The following PPIG variants were observed in gnomAD, a reference collection of about 807,000 sequenced individuals.
PPIG encodes peptidylprolyl isomerase G, also known as peptidyl-prolyl cis-trans isomerase G.
In PPIG, 26 loss-of-function variants were observed where a neutral mutation model predicts 87.9. That is an observed-to-expected ratio of 0.30 (90% CI 0.22 to 0.41). The LOEUF (loss-of-function observed/expected upper bound fraction) is 0.41, where lower values mean the gene tolerates loss of function less well. Ranked by LOEUF, PPIG falls within the 10% of genes least tolerant of loss-of-function variation. PPIG has a pLI of 1.00. For synonymous variants in PPIG, 308 were observed against 276.5 expected, an observed-to-expected ratio of 1.11 and a Z score of -1.13; for missense variants, 722 against 879.4, an observed-to-expected ratio of 0.82 and a Z score of 2.26.
chr2:169,607,096 A>G lies in PPIG; in HGVS notation c.245-8A>G. 1 of 1,560,886 alleles carries G rather than the reference A, an allele frequency of 6.4e-7. No homozygotes were observed. Among genetic ancestry groups the G allele is most frequent in the Non-Finnish European group, 8.8e-7 (1 of 1,136,964 alleles). Reference sequence around the variant, plus strand: ...TGAGAGTTATAAGAGTATGTTTTTCATTTTTAGGAAATGGACGAGGAGGGG... The same window carrying G: ...TGAGAGTTATAAGAGTATGTTTTTCGTTTTTAGGAAATGGACGAGGAGGGG... On this transcript the variant is annotated splice_polypyrimidine_tract_variant and splice_region_variant and intron_variant, in intron 5 of 13. Transcript: ENST00000260970.
At chr2:169,621,548 T>C (rs867946041) in intron 9 of PPIG, among the ~76,000 whole-genome samples, 9 of 152,048 alleles carry the variant, frequency 5.9e-5, no homozygotes, top group South Asian at 4.1e-4. Flanking sequence ...ACAAATGCAA[T>C]TATTTACATT....
chr2:169,589,562 A>G (rs977735587), intron 1 of PPIG, among the ~76,000 whole-genome samples: 3 of 152,190 alleles, frequency 2.0e-5, no homozygotes, highest in African/African-American at 7.2e-5. Context: ...GAAATCTTAT[A>G]TATAAATTGT....
Position 169,636,541 on chromosome 2 carries a change from A to G in PPIG, c.1283A>G (p.Asp428Gly), listed in dbSNP as rs1326552124. The change falls in exon 14 of 14, where the codon GAC (aspartate) becomes GGC (glycine). Residue 428 changes from aspartate (D) to glycine (G), a missense_variant. Around this residue, in one of 4 missense-constraint regions of PPIG, gnomAD observed 476 missense variants for 483.1 expected, o/e 0.99. Coordinates refer to ENST00000260970, the MANE Select transcript of PPIG (RefSeq NM_004792.3). Reference protein sequence around the residue: ...RKNEKEKKVKDHKSNSKERDI... With the variant: ...RKNEKEKKVKGHKSNSKERDI... ...AATGAAAAGGAGAAGAAAGTTAAAG[A>G]CCATAAATCTAACAGCAAAGAGAGA... 7 of 1,610,080 alleles carry G rather than the reference A, an allele frequency of 4.3e-6. No homozygotes were observed. Among genetic ancestry groups the G allele is most frequent in the Non-Finnish European group, 5.9e-6 (7 of 1,178,948 alleles).
chr2:169,635,785 A>G (rs989002123), intron 12 of PPIG, among the ~76,000 whole-genome samples: 5 of 152,208 alleles, frequency 3.3e-5, no homozygotes, highest in Admixed American at 1.3e-4. Flanking sequence ...GCTAGCAGCT[A>G]AAGTTTTTGT....
intron 9 of PPIG, among the ~76,000 whole-genome samples, chr2:169,630,489 T>A (rs1686015121): frequency 6.6e-6 from 1 of 152,140 alleles, no homozygotes; most frequent in Admixed American, 6.5e-5. Flanking sequence ...TCTGTGCTTT[T>A]AAAAAAAATT....
At chr2:169,613,093 G>A (rs773940294) in intron 7 of PPIG, among the ~76,000 whole-genome samples, 1 of 152,216 alleles carries the variant, frequency 6.6e-6, no homozygotes, top group Non-Finnish European at 1.5e-5. Flanking sequence ...GTTTTAGTGA[G>A]CAGGCAGACT....
intron 7 of PPIG, among the ~76,000 whole-genome samples, chr2:169,612,296 A>T (rs1685510540): frequency 6.6e-6 from 1 of 151,970 alleles, no homozygotes; most frequent in Admixed American, 6.6e-5. Context: ...GGAATTCCAC[A>T]ATTTTTGTCC....
At chr2:169,594,359 T>A (rs183764278) in intron 1 of PPIG, among the ~76,000 whole-genome samples, 1,611 of 152,028 alleles carry the variant, frequency 0.011, 43 homozygotes, top group African/African-American at 0.034. Context: ...AGTACTTTTT[T>A]AAAAATAATT....
At chr2:169,591,395 A>G (rs1684860411) in intron 1 of PPIG, among the ~76,000 whole-genome samples, 1 of 152,190 alleles carries the variant, frequency 6.6e-6, no homozygotes, top group Admixed American at 6.5e-5. Context: ...AAGTGACTAT[A>G]TTGTTGATAA....
chr2:169,631,278 A>G (rs771854525), intron 10 of PPIG, among the ~76,000 whole-genome samples: 1 of 152,168 alleles, frequency 6.6e-6, no homozygotes, highest in Non-Finnish European at 1.5e-5. Context: ...AAATTGCAGA[A>G]AACCACCAGT....
At chr2:169,589,781 T>C (rs1489217865) in intron 1 of PPIG, among the ~76,000 whole-genome samples, 1 of 152,122 alleles carries the variant, frequency 6.6e-6, no homozygotes, top group Non-Finnish European at 1.5e-5. Flanking sequence ...GAGAATTTAC[T>C]GACTACAGAT....
intron 1 of PPIG, among the ~76,000 whole-genome samples, chr2:169,591,415 A>T (rs1460373035): frequency 6.6e-6 from 1 of 152,218 alleles, no homozygotes; most frequent in Non-Finnish European, 1.5e-5. Flanking sequence ...AATATTAAAA[A>T]TAACTTTAAT....
At chr2:169,612,213 T>C (rs903983400) in intron 7 of PPIG, among the ~76,000 whole-genome samples, 3 of 152,176 alleles carry the variant, frequency 2.0e-5, no homozygotes, top group African/African-American at 7.2e-5. Flanking sequence ...GCAGAGACTC[T>C]GTACCATTTC....
intron 1 of PPIG, among the ~76,000 whole-genome samples, chr2:169,592,725 C>T (rs1387782528): frequency 6.6e-6 from 1 of 151,984 alleles, no homozygotes; most frequent in Non-Finnish European, 1.5e-5. Context: ...CGGGTGTGAA[C>T]CACCGTGATT....
chr2:169,594,324 C>CA (rs375893335), intron 1 of PPIG, among the ~76,000 whole-genome samples: 62,819 of 140,306 alleles, frequency 0.45, 14,178 homozygotes, highest in African/African-American at 0.59. Flanking sequence ...TGTTGATAGG[C>CA]AAAAAAAAAA....
chr2:169,590,502 C>T (rs1008870534), intron 1 of PPIG, among the ~76,000 whole-genome samples: 9 of 151,504 alleles, frequency 5.9e-5, no homozygotes, highest in African/African-American at 1.7e-4. Flanking sequence ...ATTAGCCGGG[C>T]GTGGTGGCGG....
chr2:169,604,157 A>G, intron 3 of PPIG, 30 bp from the exon 4 acceptor site: 2 of 1,610,116 alleles, frequency 1.2e-6, no homozygotes, highest in African/African-American at 2.7e-5. Flanking sequence ...AAATTAGTAA[A>G]GAAGTTTAAC....
At chr2:169,620,954 C>T (rs534393113) in intron 9 of PPIG, among the ~76,000 whole-genome samples, 11 of 152,176 alleles carry the variant, frequency 7.2e-5, no homozygotes, top group Non-Finnish European at 1.3e-4. Flanking sequence ...ATGTGAGAGT[C>T]ATCTGTAATG....
rs144590403 is a variant in PPIG at position 169,631,818 on chromosome 2, G to T, written c.814G>T (p.Val272Phe). ...TCTTGAAGCACAACCCCAGTCTACT[G>T]TCCGTCCAGAAGAGATCCCTCCTAT... is the stretch of plus-strand genomic sequence containing the variant. ...ENLEAQPQST[V>F]RPEEIPPIPE... The change falls in exon 11 of 14, where the codon GTC (valine) becomes TTC (phenylalanine). Residue 272 changes from valine (V) to phenylalanine (F), a missense_variant. Val to Phe is a conservative substitution (Grantham distance 50, BLOSUM62 -1). Coordinates refer to ENST00000260970, the MANE Select transcript of PPIG (RefSeq NM_004792.3). 8.1e-6 allele frequency: 13 copies of T among 1,613,632 alleles called. No homozygotes were observed. In the East Asian group the frequency reaches 2.9e-4, roughly 36 times the overall value.
Sources: allele counts gnomAD v4.1 joint callset (sites outside exome capture counted in the v4.1 genomes callset), GRCh38; gene constraint gnomAD v4.1.1; regional missense constraint gnomAD v4.1.1; transcripts MANE v1.5; gene names NCBI Gene and HGNC (gene_info 2026-07-23, HGNC 2026-07-21).